The following AGBL1 variants were observed in gnomAD, a reference collection of about 807,000 sequenced individuals.
The protein encoded by AGBL1 is cytosolic carboxypeptidase 4.
Under a neutral mutation model 118.9 loss-of-function variants are expected in AGBL1, and 130 were observed. The ratio of observed to expected loss-of-function variants is 1.09; its 90% CI spans 0.95 to 1.26. AGBL1 has a LOEUF of 1.26. Among genes scored for constraint, AGBL1 ranks in the 50% most tolerant of loss-of-function variants. The probability of loss-of-function intolerance (pLI) is 0.00; values close to 1 mark genes in which losing one functional copy is unlikely to be tolerated. For missense variants in AGBL1, 1,584 were observed against 1,298.1 expected (o/e 1.22, Z -3.38); for synonymous variants, 555 against 478.9 (o/e 1.16, Z -2.08).
At chr15:86,254,742 G>A (rs1239012039) in intron 7 of AGBL1, among the ~76,000 whole-genome samples, 2 of 152,152 alleles carry the variant, frequency 1.3e-5, no homozygotes, top group African/African-American at 2.4e-5. Flanking sequence ...GAGCCTGAGA[G>A]CAAGTGCTTC....
chr15:86,225,005 A>T, intron 6 of AGBL1, 54 bp downstream of exon 6: 8 of 1,555,782 alleles, frequency 5.1e-6, no homozygotes, highest in Non-Finnish European at 7.0e-6. Context: ...GTTTAATGAA[A>T]GATACTTTCT....
At chr15:86,152,893 A>G (rs1290858504) in intron 3 of AGBL1, among the ~76,000 whole-genome samples, 1 of 152,268 alleles carries the variant, frequency 6.6e-6, no homozygotes, top group Non-Finnish European at 1.5e-5. Context: ...TATGCAGCCA[A>G]CAGACATGTG....
intron 17 of AGBL1, among the ~76,000 whole-genome samples, chr15:86,389,208 G>T (rs1567231590): frequency 6.6e-6 from 1 of 152,028 alleles, no homozygotes. Context: ...TTCGATAAAA[G>T]TTTTTTTCCT....
chr15:86,933,991 T>A (rs1760633102), intron 23 of AGBL1, among the ~76,000 whole-genome samples: 2 of 152,212 alleles, frequency 1.3e-5, no homozygotes, highest in Admixed American at 6.5e-5. Flanking sequence ...GGCAAGATCA[T>A]CTCTAATGTT....
At chr15:86,958,558 C>T (rs1179886455) in intron 23 of AGBL1, among the ~76,000 whole-genome samples, 1 of 152,120 alleles carries the variant, frequency 6.6e-6, no homozygotes, top group Non-Finnish European at 1.5e-5. Context: ...CAACAATTAG[C>T]TGTTTATAGA....
chr15:86,438,771 C>T (rs1435739441), intron 18 of AGBL1, among the ~76,000 whole-genome samples: 1 of 151,328 alleles, frequency 6.6e-6, no homozygotes, highest in Non-Finnish European at 1.5e-5. Context: ...AAACAATTCT[C>T]CTGCTTCAGC....
chr15:86,417,559 G>A (rs190469984), intron 18 of AGBL1, among the ~76,000 whole-genome samples: 1 of 152,212 alleles, frequency 6.6e-6, no homozygotes, highest in Admixed American at 6.5e-5. Context: ...ATTCAAAATA[G>A]TATCATACAG....
Position 86,286,880 on chromosome 15 carries a change from A to C in AGBL1, c.2220+7097A>C, listed in dbSNP as rs146648925. On this transcript the variant is annotated intron_variant, in intron 16 of 22. Coordinates refer to ENST00000614907, the MANE Select transcript of AGBL1 (RefSeq NM_001386094.1). ...TCAGTTCCTTTGGATATATACCCAG[A>C]AGTGAGATGGCTGGATTGTATGGTA... Among the ~76,000 whole-genome samples the C allele has an allele frequency of 7.8e-4, 119 of 151,936 alleles. 1 individual carries two copies. Among genetic ancestry groups the C allele is most frequent in the African/African-American group, 2.6e-3 (108 of 41,434 alleles).
intron 17 of AGBL1, among the ~76,000 whole-genome samples, chr15:86,331,806 C>T (rs2080273800): frequency 6.6e-6 from 1 of 152,220 alleles, no homozygotes; most frequent in Admixed American, 6.5e-5. Context: ...GAGTTCTAAA[C>T]ATGGAACAAC....
chr15:86,692,978 G>T (rs1596375499), intron 22 of AGBL1, among the ~76,000 whole-genome samples: 3 of 151,938 alleles, frequency 2.0e-5, no homozygotes, highest in African/African-American at 7.2e-5. Context: ...ATTCCATATA[G>T]ATATATCACA....
At chr15:86,201,234 A>G (rs536170789) in intron 5 of AGBL1, among the ~76,000 whole-genome samples, 8 of 152,332 alleles carry the variant, frequency 5.3e-5, no homozygotes, top group African/African-American at 1.9e-4. Flanking sequence ...ATCAAGACCT[A>G]GGAAAGATAA....
intron 24 of AGBL1, among the ~76,000 whole-genome samples, chr15:87,002,743 G>A (rs1411201125): frequency 1.3e-5 from 2 of 152,150 alleles, no homozygotes; most frequent in African/African-American, 4.8e-5. Context: ...TGAAGCATTT[G>A]TGAATGAGAG....
intron 22 of AGBL1, among the ~76,000 whole-genome samples, chr15:86,775,749 A>G (rs2078246721): frequency 6.6e-6 from 1 of 152,190 alleles, no homozygotes; most frequent in Non-Finnish European, 1.5e-5. Flanking sequence ...TATATTTTAT[A>G]TTAAAATTGT....
At chr15:86,970,551 C>T (rs118124948) in intron 23 of AGBL1, among the ~76,000 whole-genome samples, 1,756 of 152,032 alleles carry the variant, frequency 0.012, 12 homozygotes, top group Non-Finnish European at 0.017. Context: ...ATGATTTGAA[C>T]GCAGGCCTAT....
intron 22 of AGBL1, among the ~76,000 whole-genome samples, chr15:86,705,407 T>A (rs2086432264): frequency 6.6e-6 from 1 of 152,164 alleles, no homozygotes; most frequent in Non-Finnish European, 1.5e-5. Context: ...AATTTGTGTT[T>A]CCTCACTTGG....
In AGBL1 at chr15:86,631,496, A is replaced by G. The variant is rs150205570; in HGVS notation, c.2995-42777A>G. Among the ~76,000 whole-genome samples the G allele has an allele frequency of 6.1e-3, 922 of 152,348 alleles. 8 individuals are homozygous for G. The highest frequency in any genetic ancestry group is 0.021 in the African/African-American group (867 of 41,584). On this transcript the variant is annotated intron_variant, in intron 21 of 22. Transcript: ENST00000614907. ...AGAGTCAAGTTTACTGGGAAGACCTAAAGCCCATATTCCTTTATTTCTAAA... is the reference window on the plus strand; with the variant it reads ...AGAGTCAAGTTTACTGGGAAGACCTGAAGCCCATATTCCTTTATTTCTAAA...
chr15:86,620,762 A>G (rs560587423), intron 21 of AGBL1, among the ~76,000 whole-genome samples: 1 of 151,874 alleles, frequency 6.6e-6, no homozygotes, highest in Non-Finnish European at 1.5e-5. Flanking sequence ...CCTGCCAGCT[A>G]TGTGATTTTT....
At chr15:86,412,278 G>C (rs1319144064) in intron 18 of AGBL1, among the ~76,000 whole-genome samples, 1 of 152,144 alleles carries the variant, frequency 6.6e-6, no homozygotes, top group East Asian at 1.9e-4. Flanking sequence ...CTTAGAGTTA[G>C]ACCATTTTTC....
chr15:86,343,064 A>G (rs2080485584), intron 17 of AGBL1, among the ~76,000 whole-genome samples: 1 of 152,280 alleles, frequency 6.6e-6, no homozygotes, highest in South Asian at 2.1e-4. Flanking sequence ...GTCAAGGATA[A>G]AGGTGGGTTT....
Sources: gnomAD v4.1 joint callset for allele counts (sites outside exome capture counted in the v4.1 genomes callset) on GRCh38, gnomAD v4.1.1 for gene constraint, MANE v1.5 for transcripts, NCBI Gene and HGNC (gene_info 2026-07-23, HGNC 2026-07-21) for gene names.